OPRM1: variants seen among roughly 807,000 people sequenced by gnomAD.
OPRM1 encodes opioid receptor mu 1.
A neutral mutation model predicts 31.8 loss-of-function variants in OPRM1; 27 were observed. The ratio of observed to expected loss-of-function variants is 0.85; its 90% confidence interval spans 0.63 to 1.17. OPRM1 has a LOEUF of 1.17. OPRM1 is among the 50% of genes most tolerant of loss of function. OPRM1 has a pLI of 0.00. For synonymous variants in OPRM1, 196 were observed against 189.9 expected (o/e 1.03, Z -0.26); for missense variants, 536 against 511.1 (o/e 1.05, Z -0.47).
chr6:154,219,932 G>C (rs1185120114), intron 3 of OPRM1, among the ~76,000 whole-genome samples: 1 of 151,850 alleles, frequency 6.6e-6, no homozygotes, highest in Non-Finnish European at 1.5e-5. Context: ...GTGAGGATAG[G>C]GGACAGATGA....
chr6:154,206,599 C>T (rs1777514658), intron 3 of OPRM1, among the ~76,000 whole-genome samples: 1 of 70,100 alleles, frequency 1.4e-5, no homozygotes, highest in African/African-American at 8.5e-5. Flanking sequence ...ATTGTGATAA[C>T]AACATGAAAA....
At chr6:154,043,132 G>A (rs1357297030) in intron 1 of OPRM1, among the ~76,000 whole-genome samples, 1 of 152,114 alleles carries the variant, frequency 6.6e-6, no homozygotes, top group Non-Finnish European at 1.5e-5. Context: ...GTTGAAAAGT[G>A]GAGGGCTAGA....
intron 3 of OPRM1, among the ~76,000 whole-genome samples, chr6:154,097,470 A>C (rs1262012072): frequency 6.6e-6 from 1 of 152,144 alleles, no homozygotes; most frequent in Non-Finnish European, 1.5e-5. Flanking sequence ...TGGGAAAAAA[A>C]ACTCAAATGA....
chr6:154,215,460 G>A (rs960932741), intron 3 of OPRM1, among the ~76,000 whole-genome samples: 2 of 152,044 alleles, frequency 1.3e-5, no homozygotes, highest in African/African-American at 4.8e-5. Context: ...TACAAAATTA[G>A]CCGGGTGTGG....
At chr6:154,108,771 C>T in intron 3 of OPRM1, 2 of 985,312 alleles carry the variant, frequency 2.0e-6, no homozygotes, top group Non-Finnish European at 2.4e-6. Context: ...GCTTTATAAA[C>T]TTTTAATTGA....
chr6:154,094,703 G>A (rs182832442), intron 3 of OPRM1, among the ~76,000 whole-genome samples: 8 of 152,280 alleles, frequency 5.3e-5, no homozygotes, highest in Non-Finnish European at 1.0e-4. Context: ...AGAGGAAAGC[G>A]TCTTTTGGCA....
At chr6:154,152,312 A>AAAG (rs1798528936) in intron 3 of OPRM1, among the ~76,000 whole-genome samples, 2 of 82,420 alleles carry the variant, frequency 2.4e-5, no homozygotes, top group Non-Finnish European at 4.8e-5. Flanking sequence ...AGAAAGAAAG[A>AAAG]AAGAAAGAAA....
downstream of OPRM1, among the ~76,000 whole-genome samples, chr6:154,137,310 T>C (rs113690775): frequency 4.1e-4 from 63 of 152,134 alleles, no homozygotes; most frequent in African/African-American, 1.5e-3. Flanking sequence ...AAGATAGGAG[T>C]ATATTTATTA....
intron 3 of OPRM1, among the ~76,000 whole-genome samples, chr6:154,241,737 C>T (rs78921851): frequency 0.013 from 1,907 of 152,278 alleles, 46 homozygotes; most frequent in African/African-American, 0.043. Context: ...CTCTCCAAAA[C>T]ATCCAATCTA....
intron 1 of OPRM1, among the ~76,000 whole-genome samples, chr6:154,047,031 G>A (rs1419861643): frequency 6.6e-6 from 1 of 152,198 alleles, no homozygotes; most frequent in Non-Finnish European, 1.5e-5. Context: ...GAAAGAGTGA[G>A]TGTGCTCTGA....
chr6:154,167,899 C>T, intron 3 of OPRM1: 1 of 1,550,910 alleles, frequency 6.4e-7, no homozygotes, highest in Non-Finnish European at 8.8e-7. Context: ...AGAGTTCATC[C>T]ACAATTTGAA....
intron 3 of OPRM1, among the ~76,000 whole-genome samples, chr6:154,230,392 T>A (rs1011665889): frequency 8.5e-5 from 13 of 152,292 alleles, no homozygotes; most frequent in Non-Finnish European, 1.8e-4. Context: ...TCTAAAAAAA[T>A]TAAGTCTTTT....
chr6:154,100,088 T>TCATGATATATATCATATTATATA (rs1250732209), intron 3 of OPRM1, among the ~76,000 whole-genome samples: 1 of 79,100 alleles, frequency 1.3e-5, no homozygotes, highest in Non-Finnish European at 2.4e-5. Flanking sequence ...ATATTATATA[T>TCATGATATATATCATATTATATA]TATCATATTA....
chr6:154,020,517 A>T (rs1042476545), intron 1 of OPRM1, among the ~76,000 whole-genome samples: 3 of 152,222 alleles, frequency 2.0e-5, no homozygotes, highest in African/African-American at 7.2e-5. Context: ...TTTTAAAGAC[A>T]TTTACTTACA....
chr6:154,066,791 A>G (rs2128445617), intron 1 of OPRM1, among the ~76,000 whole-genome samples: 2 of 152,282 alleles, frequency 1.3e-5, no homozygotes, highest in African/African-American at 4.8e-5. Context: ...ATCAGTTAGC[A>G]TCTTGATTTT....
At chr6:154,136,104 G>A (rs1798053704), downstream of OPRM1, among the ~76,000 whole-genome samples, 1 of 152,192 alleles carries the variant, frequency 6.6e-6, no homozygotes, top group African/African-American at 2.4e-5. Context: ...TCATATCCCA[G>A]AGAGTCCTGG....
chr6:154,230,127 T>C (rs980803736), intron 3 of OPRM1, among the ~76,000 whole-genome samples: 14 of 152,152 alleles, frequency 9.2e-5, no homozygotes, highest in Non-Finnish European at 1.6e-4. Flanking sequence ...TTAAAACTGA[T>C]TTATTATGAT....
intron 3 of OPRM1, among the ~76,000 whole-genome samples, chr6:154,228,388 TCTC>T (rs1366367624): frequency 1.3e-5 from 2 of 152,172 alleles, no homozygotes; most frequent in East Asian, 3.9e-4. Context: ...AAAAACTTGT[TCTC>T]CTGCCAGAGG....
chr6:154,211,217 C>T (rs1227581489), intron 3 of OPRM1, among the ~76,000 whole-genome samples: 1 of 151,998 alleles, frequency 6.6e-6, no homozygotes. Context: ...GAGATTGAGA[C>T]CATCCTGGCT....
Sources: gnomAD v4.1 joint callset for allele counts (sites outside exome capture counted in the v4.1 genomes callset) on GRCh38, gnomAD v4.1.1 for gene constraint, MANE v1.5 for transcripts, NCBI Gene and HGNC (gene_info 2026-07-23, HGNC 2026-07-21) for gene names.